WWC2: variants seen among roughly 807,000 people sequenced by gnomAD.
WWC2 encodes protein WWC2.
A neutral mutation model predicts 138.5 loss-of-function variants in WWC2; 101 were observed. The observed-to-expected ratio is 0.73, with a 90% CI of 0.62 to 0.86. The LOEUF (loss-of-function observed/expected upper bound fraction) is 0.86, where lower values mean the gene tolerates loss of function less well. Ranked by LOEUF, WWC2 falls within the 40% of genes least tolerant of loss-of-function variation. The pLI, the probability that WWC2 is intolerant of heterozygous loss-of-function variation, is 0.00. For synonymous variants in WWC2, 558 were observed against 538.4 expected, an observed-to-expected ratio of 1.04 and a Z score of -0.50; for missense variants, 1,420 against 1,419.4, an observed-to-expected ratio of 1.00 and a Z score of -0.01.
At chr4:183,160,542 A>G (rs551486719) in intron 1 of WWC2, among the ~76,000 whole-genome samples, 2 of 152,352 alleles carry the variant, frequency 1.3e-5, no homozygotes, top group South Asian at 4.1e-4. Flanking sequence ...AAATTTTACT[A>G]GGAACAGAAA....
rs1441245227 is a variant in WWC2, at chr4:183,140,639, C to T, written c.131+41017C>T. Among the ~76,000 whole-genome samples, 3 of 151,976 alleles carry T rather than the reference C, an allele frequency of 2.0e-5. 1 individual carries two copies. The highest frequency in any genetic ancestry group is 2.0e-4 in the Admixed American group (3 of 15,260). ...TTGGGTTTAGCAAGTATTTTTTTTA[C>T]TGTATATAAAGAAGCATTATTTTTA... is the stretch of plus-strand genomic sequence containing the variant. On this transcript the variant is annotated intron_variant, in intron 1 of 22. Transcript: ENST00000403733.
At chr4:183,149,670 CTTTTTT>C (rs554589228) in intron 1 of WWC2, among the ~76,000 whole-genome samples, 1 of 132,306 alleles carries the variant, frequency 7.6e-6, no homozygotes, top group Non-Finnish European at 1.6e-5. Flanking sequence ...TAGCTTCTCT[CTTTTTT>C]TTTTTTTTTG....
chr4:183,220,685 G>C (rs376489951), intron 4 of WWC2, among the ~76,000 whole-genome samples: 1 of 151,054 alleles, frequency 6.6e-6, no homozygotes, highest in East Asian at 2.0e-4. Context: ...ATACAAAAAA[G>C]TAGCCGGGCG....
chr4:183,205,440 C>G (rs986267551), intron 2 of WWC2, among the ~76,000 whole-genome samples: 1 of 152,062 alleles, frequency 6.6e-6, no homozygotes, highest in African/African-American at 2.4e-5. Flanking sequence ...TTATTCCATC[C>G]TTTCTACATT....
At chr4:183,136,354 CTG>C (rs1232892781) in intron 1 of WWC2, among the ~76,000 whole-genome samples, 2 of 152,134 alleles carry the variant, frequency 1.3e-5, no homozygotes, top group African/African-American at 4.8e-5. Context: ...TTCACAAATT[CTG>C]TCTTTGATTG....
chr4:183,166,070 A>T (rs1734120054), intron 1 of WWC2, among the ~76,000 whole-genome samples: 1 of 152,220 alleles, frequency 6.6e-6, no homozygotes, highest in Admixed American at 6.5e-5. Flanking sequence ...TTGTGTTAGT[A>T]ATGAGAACAT....
chr4:183,101,301 T>C (rs1743173181), intron 1 of WWC2, among the ~76,000 whole-genome samples: 1 of 152,212 alleles, frequency 6.6e-6, no homozygotes, highest in African/African-American at 2.4e-5. Context: ...TGGAGTGAAA[T>C]TATATGACTT....
At chr4:183,215,117 CCTATACAG>C (rs1428391602) in intron 4 of WWC2, among the ~76,000 whole-genome samples, 1 of 152,174 alleles carries the variant, frequency 6.6e-6, no homozygotes, top group Non-Finnish European at 1.5e-5. Flanking sequence ...ACTGTTTTCT[CCTATACAG>C]CCATACCTGT....
At position 183,115,016 on chromosome 4, in the gene WWC2, C is replaced by T. The variant is rs563463467; in HGVS notation, c.131+15394C>T. Reference sequence around the variant, plus strand: ...CCCATAGGTAGTTTTTTGATCTTCACCCTCCTCCCACCTTCCACTCTCAAA... The same window carrying T: ...CCCATAGGTAGTTTTTTGATCTTCATCCTCCTCCCACCTTCCACTCTCAAA... On this transcript the variant is annotated intron_variant, in intron 1 of 22. Transcript: ENST00000403733. Among the ~76,000 whole-genome samples the T allele has an allele frequency of 2.0e-5, 3 of 152,202 alleles. No individual in the cohort carries two copies. In the South Asian group the frequency reaches 6.2e-4, roughly 32 times the overall value.
intron 4 of WWC2, among the ~76,000 whole-genome samples, chr4:183,223,481 A>G (rs1488536732): frequency 6.6e-6 from 1 of 152,228 alleles, no homozygotes; most frequent in African/African-American, 2.4e-5. Context: ...GAAATAGTGT[A>G]TCATTCACCT....
At chr4:183,281,692 A>G (rs1738082650) in intron 17 of WWC2, among the ~76,000 whole-genome samples, 1 of 152,180 alleles carries the variant, frequency 6.6e-6, no homozygotes, top group South Asian at 2.1e-4. Context: ...AGTCATGGAC[A>G]TTTGGAAGGA....
At chr4:183,133,229 A>G (rs1308574676) in intron 1 of WWC2, among the ~76,000 whole-genome samples, 1 of 130,698 alleles carries the variant, frequency 7.7e-6, no homozygotes, top group Non-Finnish European at 1.5e-5. Context: ...ATCCTGGCTT[A>G]CTACAGCCTT....
intron 2 of WWC2, among the ~76,000 whole-genome samples, chr4:183,207,432 TAAAC>T (rs1168962567): frequency 6.6e-6 from 1 of 152,240 alleles, no homozygotes; most frequent in Non-Finnish European, 1.5e-5. Flanking sequence ...TATCAACAGA[TAAAC>T]AATAACTGAC....
chr4:183,224,984 C>T (rs1481052398), intron 4 of WWC2, among the ~76,000 whole-genome samples: 1 of 152,128 alleles, frequency 6.6e-6, no homozygotes, highest in Non-Finnish European at 1.5e-5. Flanking sequence ...GATAATGGAA[C>T]CTCTTTATGT....
chr4:183,251,230 T>C (rs1048295924), intron 8 of WWC2, among the ~76,000 whole-genome samples: 2 of 152,242 alleles, frequency 1.3e-5, no homozygotes, highest in African/African-American at 4.8e-5. Flanking sequence ...GTATTGAGGA[T>C]CAACTTCTGG....
intron 1 of WWC2, among the ~76,000 whole-genome samples, chr4:183,176,110 T>C (rs2111173265): frequency 6.6e-6 from 1 of 152,344 alleles, no homozygotes; most frequent in African/African-American, 2.4e-5. Flanking sequence ...ATTCCATATG[T>C]CTAATTTTTA....
rs547751927 is a variant in WWC2 at position 183,302,477 on chromosome 4, C to T, written c.3385-9864C>T. 2.0e-5 allele frequency among the ~76,000 whole-genome samples: 3 copies of T among 152,258 alleles called. No homozygotes were observed. The East Asian group carries it at 5.8e-4, about 29-fold the overall frequency. On this transcript the variant is annotated intron_variant, in intron 21 of 22. Coordinates refer to ENST00000403733, the MANE Select transcript of WWC2 (RefSeq NM_024949.6). ...CAGCTTAGATTGCAGGCACAGGCTA[C>T]CCACCACCTTTAGACCTTTGCCTGA...
chr4:183,288,710 A>T (rs1738333375), intron 20 of WWC2, among the ~76,000 whole-genome samples: 1 of 152,172 alleles, frequency 6.6e-6, no homozygotes, highest in Non-Finnish European at 1.5e-5. Flanking sequence ...TTGCTTGATG[A>T]ATAGGTTAAG....
At chr4:183,280,229 G>GCTTTTTT (rs1738018362) in intron 16 of WWC2, among the ~76,000 whole-genome samples, 1 of 65,430 alleles carries the variant, frequency 1.5e-5, no homozygotes, top group Non-Finnish European at 2.7e-5. Context: ...GATAGCAGCT[G>GCTTTTTT]TTTTTTTTTT....
Sources: allele counts gnomAD v4.1 joint callset (sites outside exome capture counted in the v4.1 genomes callset), GRCh38; gene constraint gnomAD v4.1.1; transcripts MANE v1.5; gene names NCBI Gene and HGNC (gene_info 2026-07-23, HGNC 2026-07-21).